Variants in SLC10A1 observed in about 807,000 individuals in gnomAD.
The protein encoded by SLC10A1 is solute carrier family 10 member 1.
A neutral mutation model predicts 20.5 loss-of-function variants in SLC10A1; 36 were observed. The ratio of observed to expected loss-of-function variants is 1.75; its 90% confidence interval spans 1.34 to 2.32. The LOEUF (loss-of-function observed/expected upper bound fraction) is 2.32. Among genes scored for constraint, SLC10A1 ranks in the 30% most tolerant of loss-of-function variants. The pLI is 0.00. For synonymous variants in SLC10A1, 188 were observed against 163.6 expected, an observed-to-expected ratio of 1.15 and a Z score of -1.14; for missense variants, 545 against 439.1, an observed-to-expected ratio of 1.24 and a Z score of -2.16.
chr14:69,780,949 CTCT>C (rs1465572855), intron 2 of SLC10A1, among the ~76,000 whole-genome samples: 10 of 152,264 alleles, frequency 6.6e-5, no homozygotes, highest in East Asian at 1.9e-4. Flanking sequence ...TCCAGAAGCC[CTCT>C]TCTTCTGTAT....
chr14:69,783,033 T>G (rs1883632715), intron 2 of SLC10A1, among the ~76,000 whole-genome samples: 2 of 152,230 alleles, frequency 1.3e-5, no homozygotes, highest in Admixed American at 6.5e-5. Context: ...CTTTATATTT[T>G]ATATGCATTT....
Position 69,776,402 on chromosome 14 carries a change from A to C in SLC10A1, c.944-14T>G. On this transcript the variant is annotated splice_polypyrimidine_tract_variant and intron_variant, in intron 4 of 4. Coordinates refer to ENST00000216540, the MANE Select transcript of SLC10A1 (RefSeq NM_003049.4). ...TTTTTGTTTTATCTGTAAAGTTAAAAAGGGTTACAGGTGTAGAGAGAGAAC... is the reference window on the plus strand; with the variant it reads ...TTTTTGTTTTATCTGTAAAGTTAAACAGGGTTACAGGTGTAGAGAGAGAAC... 6.3e-7 allele frequency: 1 copy of C among 1,598,104 alleles called. No individual in the cohort carries two copies. Among genetic ancestry groups the C allele is most frequent in the Non-Finnish European group, 8.6e-7 (1 of 1,165,524 alleles).
intron 2 of SLC10A1, among the ~76,000 whole-genome samples, chr14:69,780,249 A>C (rs960403499): frequency 1.3e-5 from 2 of 152,240 alleles, no homozygotes; most frequent in Admixed American, 1.3e-4. Context: ...ATAGGATGCA[A>C]CCTTTCAAAG....
intron 1 of SLC10A1, among the ~76,000 whole-genome samples, chr14:69,788,046 G>A (rs1010878326): frequency 6.6e-6 from 1 of 151,914 alleles, no homozygotes. Flanking sequence ...AGGTGCCCAC[G>A]GACAAGAAAC....
At chr14:69,788,481 G>A (rs1883773381) in intron 1 of SLC10A1, among the ~76,000 whole-genome samples, 1 of 151,730 alleles carries the variant, frequency 6.6e-6, no homozygotes. Flanking sequence ...ACAAGAGAAT[G>A]GGAGGAAATA....
In SLC10A1 at chr14:69,779,340, G is replaced by A; in HGVS notation, c.588C>T (p.Leu196=). Residue 196 remains leucine (L), a synonymous_variant, in exon 3 of 5, where the codon CTC becomes CTT. Transcript: ENST00000216540. The part of the protein sequence containing the change: ...YVIKGGMIII[L]LCSVAVTVLS... The stretch of plus-strand genomic sequence containing the variant: ...GAACTGTGACGGCCACACTGCACAA[G>A]AGAATGATGATCATCCCTCCCTGGG... The A allele has an allele frequency of 6.2e-7, 1 of 1,612,010 alleles. No individual in the cohort carries two copies. The highest frequency in any genetic ancestry group is 8.5e-7 in the Non-Finnish European group (1 of 1,178,428).
chr14:69,776,211 GCT>G lies in SLC10A1; in HGVS notation c.*69_*70del, dbSNP rs1444504296. ...CTCAGGCAAGACTGGTGTTTTTGCTGCTCTCTCTAGTTTACCACACTGGCTTT... is the reference window on the plus strand; with the variant it reads ...CTCAGGCAAGACTGGTGTTTTTGCTGCTCTCTAGTTTACCACACTGGCTTT... On this transcript the variant is annotated 3_prime_UTR_variant, in exon 5 of 5. Coordinates refer to ENST00000216540, the MANE Select transcript of SLC10A1 (RefSeq NM_003049.4). The G allele has an allele frequency of 2.8e-6, 3 of 1,083,468 alleles. No individual in the cohort carries two copies. The highest frequency in any genetic ancestry group is 1.6e-5 in the African/African-American group (1 of 63,224). The allele number at this position is 1,083,468 out of a possible 1,614,324, so 67.1% of individuals were successfully genotyped here.
intron 1 of SLC10A1, among the ~76,000 whole-genome samples, chr14:69,793,474 C>T (rs1882321995): frequency 6.6e-6 from 1 of 152,120 alleles, no homozygotes; most frequent in Non-Finnish European, 1.5e-5. Context: ...ATAGACCTTG[C>T]TTTTGGACAT....
chr14:69,795,400 C>CT (rs140035207), intron 1 of SLC10A1, among the ~76,000 whole-genome samples: 39,575 of 128,780 alleles, frequency 0.31, 7,314 homozygotes, highest in African/African-American at 0.48. Context: ...TTTTTATTTC[C>CT]TTTTTTTTTT....
chr14:69,787,841 G>T (rs1883757807), intron 1 of SLC10A1, among the ~76,000 whole-genome samples: 1 of 152,032 alleles, frequency 6.6e-6, no homozygotes, highest in Non-Finnish European at 1.5e-5. Context: ...ACCAGCCTGG[G>T]CAACAAAGTA....
At chr14:69,792,499 C>T (rs1882294666) in intron 1 of SLC10A1, among the ~76,000 whole-genome samples, 1 of 152,178 alleles carries the variant, frequency 6.6e-6, no homozygotes, top group African/African-American at 2.4e-5. Context: ...CTGCGATCTG[C>T]TTCACTGTTT....
chr14:69,786,408 A>G, intron 1 of SLC10A1, 101 bp from the exon 2 acceptor site: 1 of 868,304 alleles, frequency 1.2e-6, no homozygotes, highest in Non-Finnish European at 1.9e-6. Context: ...TGCTTGACAT[A>G]TGTGGCTTCA....
chr14:69,776,123 T>C lies in SLC10A1; in HGVS notation c.*159A>G, dbSNP rs1225445179. On this transcript the variant is annotated 3_prime_UTR_variant, in exon 5 of 5. Transcript: ENST00000216540. ...GGTGAGGCTTCTTGGGTAGACACCC[T>C]GTCTGTGTTCCCGGCCAAGACTTGA... is the stretch of plus-strand genomic sequence containing the variant. 2 of 611,788 alleles carry C rather than the reference T, an allele frequency of 3.3e-6. No individual in the cohort carries two copies. Among genetic ancestry groups the C allele is most frequent in the Non-Finnish European group, 5.8e-6 (2 of 344,484 alleles). 37.9% of individuals were successfully genotyped at this position (611,788 alleles called of 1,614,324 possible).
At chr14:69,778,253 C>T in intron 4 of SLC10A1, 80 bp downstream of exon 4, 1 of 1,246,942 alleles carries the variant, frequency 8.0e-7, no homozygotes, top group Non-Finnish European at 1.1e-6. Flanking sequence ...CCAAAAAGTC[C>T]CTGCTAGAAA....
At position 69,779,225 on chromosome 14, in the gene SLC10A1, G is replaced by C; in HGVS notation, c.703C>G (p.Leu235Val). 6.2e-7 allele frequency: 1 copy of C among 1,613,410 alleles called. No homozygotes were observed. The highest frequency in any genetic ancestry group is 8.5e-7 in the Non-Finnish European group (1 of 1,179,832). ...TSSLMPFIGF[L>V]LGYVLSALFC... ...AGAGCAGAGAGAACATAACCCAGCA[G>C]AAAGCCAATAAAAGGCATCAGGGAG... is the stretch of plus-strand genomic sequence containing the variant. Residue 235 changes from leucine (L) to valine (V), a missense_variant, in exon 3 of 5, where the codon CTG becomes GTG. By Grantham distance (32) the Leu-to-Val change is conservative (BLOSUM62 1). Coordinates refer to ENST00000216540, the MANE Select transcript of SLC10A1 (RefSeq NM_003049.4).
At chr14:69,781,518 C>T (rs1400841893) in intron 2 of SLC10A1, among the ~76,000 whole-genome samples, 1 of 152,180 alleles carries the variant, frequency 6.6e-6, no homozygotes, top group Non-Finnish European at 1.5e-5. Context: ...GAAGCAATAG[C>T]AGGGACAAGT....
At chr14:69,794,582 C>T (rs1307098358) in intron 1 of SLC10A1, among the ~76,000 whole-genome samples, 1 of 152,164 alleles carries the variant, frequency 6.6e-6, no homozygotes, top group Non-Finnish European at 1.5e-5. Flanking sequence ...TAATCGTTGT[C>T]ATTATTATAA....
At chr14:69,790,003 A>G (rs181161741) in intron 1 of SLC10A1, among the ~76,000 whole-genome samples, 370 of 151,406 alleles carry the variant, frequency 2.4e-3, no homozygotes, top group Middle Eastern at 6.8e-3. Context: ...GCACAAATTG[A>G]TGAGGTTAGT....
chr14:69,788,204 G>A (rs1327299278), intron 1 of SLC10A1, among the ~76,000 whole-genome samples: 2 of 152,164 alleles, frequency 1.3e-5, no homozygotes, highest in African/African-American at 4.8e-5. Flanking sequence ...GAGGAGCATT[G>A]AAACTGAGCA....
Sources: allele counts gnomAD v4.1 joint callset (sites outside exome capture counted in the v4.1 genomes callset), GRCh38; gene constraint gnomAD v4.1.1; transcripts MANE v1.5; gene names NCBI Gene and HGNC (gene_info 2026-07-23, HGNC 2026-07-21).